Variants in PAX2 observed in about 807,000 individuals in gnomAD.
PAX2 encodes paired box protein Pax-2.
A neutral mutation model predicts 41.7 loss-of-function variants in PAX2; 9 were observed. That is an observed-to-expected ratio of 0.22 (90% CI 0.13 to 0.38). The LOEUF is 0.38. PAX2 is among the 10% of genes least tolerant of loss of function. PAX2 has a pLI of 1.00. For missense variants in PAX2, 418 were observed against 531.6 expected, an observed-to-expected ratio of 0.79 and a Z score of 2.10; for synonymous variants, 221 against 212.7, an observed-to-expected ratio of 1.04 and a Z score of -0.34.
At chr10:100,744,365 A>G (rs1845071706), upstream of PAX2, among the ~76,000 whole-genome samples, 1 of 152,246 alleles carries the variant, frequency 6.6e-6, no homozygotes, top group African/African-American at 2.4e-5. Flanking sequence ...TGAAGTGCCA[A>G]GATGATTTAT....
intron 6 of PAX2, among the ~76,000 whole-genome samples, chr10:100,807,545 T>C (rs897306629): frequency 6.6e-6 from 1 of 150,760 alleles, no homozygotes; most frequent in Non-Finnish European, 1.5e-5. Context: ...GCCCACCTGC[T>C]CCCTCACCCA....
chr10:100,749,186 T>A lies in PAX2; in HGVS notation c.44-560T>A, dbSNP rs1021727278. 3 of 986,884 alleles carry A rather than the reference T, an allele frequency of 3.0e-6. No homozygotes were observed. In the South Asian group the frequency reaches 1.4e-4, roughly 46 times the overall value. 61.1% of individuals were successfully genotyped at this position (986,884 alleles called of 1,614,324 possible). A position where few individuals can be genotyped will look rare whatever the true frequency, so the allele number is the denominator to read the frequency against. On this transcript the variant is annotated intron_variant, in intron 1 of 9. Coordinates refer to ENST00000355243, the MANE Select transcript of PAX2 (RefSeq NM_000278.5). ...ATTCCGATTACAATTTAATACTTTT[T>A]AAAGAAGAGGCAGAGAGCAAAGGGG... is the stretch of plus-strand genomic sequence containing the variant.
chr10:100,793,777 C>T (rs1230777809), intron 5 of PAX2, among the ~76,000 whole-genome samples: 1 of 152,116 alleles, frequency 6.6e-6, no homozygotes, highest in Non-Finnish European at 1.5e-5. Context: ...AGGAAACTGA[C>T]ACCTTCCTCT....
chr10:100,827,881 C>A lies in PAX2; in HGVS notation c.*262C>A. ...CCGCCTGCCGCCCCTCCCCGCCTGC[C>A]TGGACTGCGCGGCGCCGTGAGGGGG... On this transcript the variant is annotated 3_prime_UTR_variant, in exon 10 of 10. Transcript: ENST00000355243. The surrounding 1 kb of genome is among the most constrained non-coding windows in gnomAD (Gnocchi z 8.5). 1 of 527,552 alleles carries A rather than the reference C, an allele frequency of 1.9e-6. No individual in the cohort carries two copies. The highest frequency in any genetic ancestry group is 3.3e-6 in the Non-Finnish European group (1 of 299,758). The allele number at this position is 527,552 out of a possible 1,614,324, so 32.7% of individuals were successfully genotyped here.
At chr10:100,761,547 C>T (rs1263009585) in intron 3 of PAX2, among the ~76,000 whole-genome samples, 4 of 152,122 alleles carry the variant, frequency 2.6e-5, no homozygotes, top group Non-Finnish European at 1.5e-5. Context: ...TTCCAGCATC[C>T]GAATGTGATA....
At chr10:100,825,168 A>G (rs550369818) in intron 8 of PAX2, among the ~76,000 whole-genome samples, 1 of 152,218 alleles carries the variant, frequency 6.6e-6, no homozygotes, top group East Asian at 1.9e-4. Context: ...AGTCACTCAG[A>G]CAAAGCCACC....
Position 100,781,306 on chromosome 10 carries a change from C to G in PAX2, c.557C>G (p.Ser186Cys). The change falls in exon 5 of 10, where the codon TCC (serine) becomes TGC (cysteine). Residue 186 changes from serine (S) to cysteine (C), a missense_variant. This residue lies in a region of PAX2 where 310 missense variants were observed against 325.2 expected (regional missense o/e 0.95). Transcript: ENST00000355243. ...SASNDPVGSYSINGILGIPRS... is the reference protein window; with the variant it reads ...SASNDPVGSYCINGILGIPRS... ...TCCAATGACCCAGTGGGATCCTACT[C>G]CATCAATGGGATCCTGGGGATTCCT... 1 of 1,612,148 alleles carries G rather than the reference C, an allele frequency of 6.2e-7. No homozygotes were observed. Among genetic ancestry groups the G allele is most frequent in the Non-Finnish European group, 8.5e-7 (1 of 1,178,172 alleles).
chr10:100,772,637 G>A (rs1036147797), intron 3 of PAX2, among the ~76,000 whole-genome samples: 2 of 152,150 alleles, frequency 1.3e-5, no homozygotes, highest in Non-Finnish European at 2.9e-5. Context: ...CCCCATACCA[G>A]GGATTAAATA....
Position 100,827,285 on chromosome 10 carries a change from G to T in PAX2, c.1108+190G>T, listed in dbSNP as rs1159001299. Among the ~76,000 whole-genome samples the T allele has an allele frequency of 1.3e-5, 2 of 152,122 alleles. No individual in the cohort carries two copies. The highest frequency in any genetic ancestry group is 2.4e-5 in the African/African-American group (1 of 41,434). The stretch of plus-strand genomic sequence containing the variant: ...CTGCCCTCCCGTGCCCTCCCTGGTC[G>T]CTCGAAGGCTCTGCGCCGCCCTCGC... On this transcript the variant is annotated intron_variant, in intron 9 of 9. Coordinates refer to ENST00000355243, the MANE Select transcript of PAX2 (RefSeq NM_000278.5). The surrounding 1 kb of genome is among the most constrained non-coding windows in gnomAD (Gnocchi z 8.5).
intron 1 of PAX2, chr10:100,749,538 C>T: frequency 7.3e-7 from 1 of 1,362,326 alleles, no homozygotes; most frequent in Non-Finnish European, 9.4e-7. Context: ...CGCCCTCTCG[C>T]CCAGCCCCCA....
chr10:100,765,656 C>G (rs2133867200), intron 3 of PAX2, among the ~76,000 whole-genome samples: 1 of 152,268 alleles, frequency 6.6e-6, no homozygotes, highest in African/African-American at 2.4e-5. Flanking sequence ...AGATGCTGCC[C>G]TCTGTGTGGA....
At position 100,827,848 on chromosome 10, in the gene PAX2, C is replaced by T. The variant is rs1848640397; in HGVS notation, c.*229C>T. ...GGACCCTCAGGCCCGGGCCCGCCGC[C>T]CCCAGCCCCGCCTGCCGCCCCTCCC... is the stretch of plus-strand genomic sequence containing the variant. On this transcript the variant is annotated 3_prime_UTR_variant, in exon 10 of 10. Coordinates refer to ENST00000355243, the MANE Select transcript of PAX2 (RefSeq NM_000278.5). This position sits in a 1 kb window ranked among gnomAD's most constrained non-coding sequence, Gnocchi z 8.5. The T allele has an allele frequency of 4.9e-6, 3 of 609,208 alleles. No individual in the cohort carries two copies. The highest frequency in any genetic ancestry group is 8.4e-6 in the Non-Finnish European group (3 of 355,108). The allele number at this position is 609,208 out of a possible 1,614,324, so 37.7% of individuals were successfully genotyped here. A position where few individuals can be genotyped will look rare whatever the true frequency, so the allele number is the denominator to read the frequency against.
At chr10:100,817,910 C>G (rs151019489) in intron 7 of PAX2, among the ~76,000 whole-genome samples, 27 of 152,264 alleles carry the variant, frequency 1.8e-4, no homozygotes, top group Non-Finnish European at 2.1e-4. Flanking sequence ...AATAGATATA[C>G]GTTGAATTGG....
In PAX2 at chr10:100,826,872, G is replaced by T; in HGVS notation, c.1022-137G>T. 1 of 671,056 alleles carries T rather than the reference G, an allele frequency of 1.5e-6. No individual in the cohort carries two copies. Among genetic ancestry groups the T allele is most frequent in the Non-Finnish European group, 2.7e-6 (1 of 373,556 alleles). The allele number at this position is 671,056 out of a possible 1,614,324, so 41.6% of individuals were successfully genotyped here. A position where few individuals can be genotyped will look rare whatever the true frequency, so the allele number is the denominator to read the frequency against. Reference sequence around the variant, plus strand: ...CGCCCCACCTCCGCCCGGCCCGCCCGCCACGGCCATTACCCTGCCCGCGAC... The same window carrying T: ...CGCCCCACCTCCGCCCGGCCCGCCCTCCACGGCCATTACCCTGCCCGCGAC... On this transcript the variant is annotated intron_variant, in intron 8 of 9. Coordinates refer to ENST00000355243, the MANE Select transcript of PAX2 (RefSeq NM_000278.5). This position sits in a 1 kb window ranked among gnomAD's most constrained non-coding sequence, Gnocchi z 5.5.
intron 7 of PAX2, among the ~76,000 whole-genome samples, chr10:100,820,090 C>T (rs1488698323): frequency 6.6e-6 from 1 of 152,230 alleles, no homozygotes; most frequent in Admixed American, 6.5e-5. Flanking sequence ...TTTCAGAAAA[C>T]TCTCACAGGA....
chr10:100,795,092 A>G (rs1419228700), intron 5 of PAX2, among the ~76,000 whole-genome samples: 2 of 152,232 alleles, frequency 1.3e-5, no homozygotes, highest in Non-Finnish European at 2.9e-5. Flanking sequence ...TTTGGGAACT[A>G]CTGAGCCCAA....
chr10:100,749,631 G>T, intron 1 of PAX2, 115 bp from the exon 2 acceptor site: 2 of 1,494,110 alleles, frequency 1.3e-6, no homozygotes, highest in South Asian at 1.4e-5. Flanking sequence ...TCAAGCTCGG[G>T]AACATGCCCT....
At chr10:100,781,148 CCTCTGCTTCT>C in intron 4 of PAX2, 88 bp from the exon 5 acceptor site, 1 of 1,218,570 alleles carries the variant, frequency 8.2e-7, no homozygotes, top group Admixed American at 1.7e-5. Flanking sequence ...CTCCTTATGT[CCTCTGCTTCT>C]CTCTGCCCCC....
At chr10:100,788,047 C>T (rs1477294937) in intron 5 of PAX2, among the ~76,000 whole-genome samples, 2 of 152,106 alleles carry the variant, frequency 1.3e-5, no homozygotes, top group African/African-American at 2.4e-5. Context: ...TTTACAATTC[C>T]GCTGAGAAAA....
Sources: allele counts gnomAD v4.1 joint callset (sites outside exome capture counted in the v4.1 genomes callset), GRCh38; gene constraint gnomAD v4.1.1; regional missense constraint gnomAD v4.1.1; non-coding constraint Gnocchi (gnomAD v3.1); transcripts MANE v1.5; gene names NCBI Gene and HGNC (gene_info 2026-07-23, HGNC 2026-07-21).